Variants in BAZ2B observed in about 807,000 individuals in gnomAD.
The protein encoded by BAZ2B is bromodomain adjacent to zinc finger domain protein 2B.
In BAZ2B, 91 loss-of-function variants were observed where a neutral mutation model predicts 246.0. That is an observed-to-expected ratio of 0.37 (90% CI 0.31 to 0.44). The LOEUF is 0.44. Ranked by LOEUF, BAZ2B falls within the 20% of genes least tolerant of loss-of-function variation. The pLI is 1.00. For missense variants in BAZ2B, 2,332 were observed against 2,533.7 expected, an observed-to-expected ratio of 0.92 and a Z score of 1.71; for synonymous variants, 855 against 860.0, an observed-to-expected ratio of 0.99 and a Z score of 0.10.
At chr2:159,414,055 C>T (rs2067242302) in intron 13 of BAZ2B, among the ~76,000 whole-genome samples, 1 of 152,204 alleles carries the variant, frequency 6.6e-6, no homozygotes, top group African/African-American at 2.4e-5. Context: ...ACATACACTA[C>T]ACAATGGAGT....
At chr2:159,368,858 T>TAAAAAAAAAAA in intron 27 of BAZ2B, among the ~76,000 whole-genome samples, 1 of 123,870 alleles carries the variant, frequency 8.1e-6, no homozygotes. Flanking sequence ...CTGAAAGGCC[T>TAAAAAAAAAAA]AAAAAAAAAA....
At chr2:159,491,247 T>G (rs1006645351) in intron 2 of BAZ2B, among the ~76,000 whole-genome samples, 1 of 152,154 alleles carries the variant, frequency 6.6e-6, no homozygotes, top group African/African-American at 2.4e-5. Flanking sequence ...AACAACCAAA[T>G]TGCTTATAGA....
chr2:159,583,219 A>G (rs1578625835), intron 1 of BAZ2B, among the ~76,000 whole-genome samples: 1 of 150,658 alleles, frequency 6.6e-6, no homozygotes, highest in East Asian at 2.0e-4. Flanking sequence ...GGTTCAAGTG[A>G]TTCTTCTGCC....
Position 159,399,956 on chromosome 2 carries a change from C to T in BAZ2B, c.2898+643G>A, listed in dbSNP as rs150749710. On this transcript the variant is annotated intron_variant, in intron 17 of 36. Transcript: ENST00000392783. ...CAACATCAGTTATACTGCACAGCTC[C>T]AAAGAGTAATGCCTTTGGGCTATTA... Among the ~76,000 whole-genome samples, 224 of 152,270 alleles carry T rather than the reference C, an allele frequency of 1.5e-3. 2 individuals are homozygous for T. The highest frequency in any genetic ancestry group is 5.1e-3 in the African/African-American group (212 of 41,564).
At chr2:159,704,482 CTTT>C in the BAZ2B span, among the ~76,000 whole-genome samples, 1 of 117,002 alleles carries the variant, frequency 8.5e-6, no homozygotes. Flanking sequence ...CTTTCTTTTT[CTTT>C]TTTTTTTTTT....
the BAZ2B span, among the ~76,000 whole-genome samples, chr2:159,638,055 A>G: frequency 6.6e-6 from 1 of 152,228 alleles, no homozygotes; most frequent in African/African-American, 2.4e-5. Context: ...CCATACCCCC[A>G]GTTCCAGGTG....
At position 159,337,633 on chromosome 2, in the gene BAZ2B, T is replaced by G. The variant is rs1459693491; in HGVS notation, c.5594A>C (p.Lys1865Thr). 1.2e-6 allele frequency: 2 copies of G among 1,614,122 alleles called. No individual in the cohort carries two copies. The highest frequency in any genetic ancestry group is 1.7e-6 in the Non-Finnish European group (2 of 1,180,038). Residue 1865 changes from lysine to threonine, a missense_variant, in exon 32 of 37, where the codon AAG (lysine) becomes ACG (threonine). Physicochemically the swap from Lys to Thr is moderately conservative, Grantham distance 78. Transcript: ENST00000392783. Reference sequence around the variant, plus strand: ...AGCTATATCTAGGGGGTTGTCACTCTTCCGTTCTAGTGCATGTGCACTGCT... The same window carrying G: ...AGCTATATCTAGGGGGTTGTCACTCGTCCGTTCTAGTGCATGTGCACTGCT... ...DESSAHALER[K>T]SDNPLDIAVT...
chr2:159,686,838 C>T, the BAZ2B span, among the ~76,000 whole-genome samples: 36 of 152,060 alleles, frequency 2.4e-4, no homozygotes, highest in Admixed American at 8.5e-4. Context: ...GTCAGGAGAT[C>T]GAGACCACCC....
intron 2 of BAZ2B, among the ~76,000 whole-genome samples, chr2:159,553,413 A>G (rs988865953): frequency 7.0e-6 from 1 of 142,754 alleles, no homozygotes; most frequent in Non-Finnish European, 1.5e-5. Context: ...AAAAAAAAAA[A>G]AAAGAAAAGA....
chr2:159,549,101 C>T (rs1272884572), intron 2 of BAZ2B, among the ~76,000 whole-genome samples: 5 of 151,928 alleles, frequency 3.3e-5, no homozygotes, highest in African/African-American at 7.3e-5. Context: ...AGCAACATGG[C>T]GAAACCTCAT....
Position 159,337,622 on chromosome 2 carries a change from G to C in BAZ2B, c.5605C>G (p.Pro1869Ala), listed in dbSNP as rs1286652768. The change falls in exon 32 of 37, where the codon CCC (proline) becomes GCC (alanine). Residue 1869 changes from proline to alanine, a missense_variant. By Grantham distance (27) the Pro-to-Ala change is conservative. Transcript: ENST00000392783. ...AHALERKSDNPLDIAVTRLAD... is the reference protein window; with the variant it reads ...AHALERKSDNALDIAVTRLAD... ...AGCCTGGTTACAGCTATATCTAGGG[G>C]GTTGTCACTCTTCCGTTCTAGTGCA... 5.0e-6 allele frequency: 8 copies of C among 1,614,066 alleles called. No homozygotes were observed. Among genetic ancestry groups the C allele is most frequent in the Non-Finnish European group, 6.8e-6 (8 of 1,180,034 alleles).
At chr2:159,534,070 T>G (rs1285066438) in intron 2 of BAZ2B, among the ~76,000 whole-genome samples, 2 of 152,220 alleles carry the variant, frequency 1.3e-5, no homozygotes, top group Non-Finnish European at 2.9e-5. Context: ...GCACAATGAT[T>G]CCTCATAATT....
chr2:159,521,114 C>G (rs2084078272), intron 2 of BAZ2B, among the ~76,000 whole-genome samples: 1 of 151,936 alleles, frequency 6.6e-6, no homozygotes, highest in Non-Finnish European at 1.5e-5. Context: ...AAAACCACTC[C>G]TAATATTTAA....
At chr2:159,333,509 G>GT (rs1356253006) in intron 33 of BAZ2B, among the ~76,000 whole-genome samples, 1 of 151,962 alleles carries the variant, frequency 6.6e-6, no homozygotes, top group Non-Finnish European at 1.5e-5. Flanking sequence ...AGTTAGACAA[G>GT]TAAAAACTTC....
intron 27 of BAZ2B, among the ~76,000 whole-genome samples, chr2:159,360,540 T>C (rs1011098014): frequency 1.3e-5 from 2 of 150,584 alleles, no homozygotes; most frequent in African/African-American, 4.9e-5. Context: ...AAGTAATTTA[T>C]AGATTCAATG....
At chr2:159,553,724 T>C (rs187935588) in intron 2 of BAZ2B, among the ~76,000 whole-genome samples, 3 of 152,208 alleles carry the variant, frequency 2.0e-5, no homozygotes, top group South Asian at 2.1e-4. Flanking sequence ...GATTAAAACA[T>C]ATATAAAGTA....
At chr2:159,663,774 C>A in the BAZ2B span, among the ~76,000 whole-genome samples, 1 of 151,470 alleles carries the variant, frequency 6.6e-6, no homozygotes, top group African/African-American at 2.4e-5. Context: ...GCCTTGGCCT[C>A]CAAAAATGCT....
In BAZ2B at chr2:159,554,064, T is replaced by G. The variant is rs75018045; in HGVS notation, c.-3+1759A>C. 7.9e-3 allele frequency among the ~76,000 whole-genome samples: 1,203 copies of G among 152,278 alleles called. 20 individuals are homozygous for G. The highest frequency in any genetic ancestry group is 0.027 in the African/African-American group (1,128 of 41,566). On this transcript the variant is annotated intron_variant, in intron 2 of 36. Coordinates refer to ENST00000392783, the MANE Select transcript of BAZ2B (RefSeq NM_013450.4). ...GCCTCACAACAGTGTCATAACAAAC[T>G]TAAGGTTTCTAATATCAGTCACTTA...
rs756578987 is a variant in BAZ2B, at chr2:159,397,325, A to G, written c.3009+20T>C. The G allele has an allele frequency of 6.7e-6, 10 of 1,490,716 alleles. No individual in the cohort carries two copies. Among genetic ancestry groups the G allele is most frequent in the Non-Finnish European group, 8.2e-6 (9 of 1,092,736 alleles). 92.3% of individuals were successfully genotyped at this position (1,490,716 alleles called of 1,614,324 possible). On this transcript the variant is annotated intron_variant, in intron 19 of 36. Transcript: ENST00000392783. ...TATAAAATGTACATTCAACAATTGT[A>G]TAACTATACATATACAGACCTGATG...
Sources: allele counts gnomAD v4.1 joint callset (sites outside exome capture counted in the v4.1 genomes callset), GRCh38; gene constraint gnomAD v4.1.1; transcripts MANE v1.5; gene names NCBI Gene and HGNC (gene_info 2026-07-23, HGNC 2026-07-21).